KLHL1: variants seen among roughly 807,000 people sequenced by gnomAD.
KLHL1 encodes kelch-like protein 1.
In KLHL1, 47 loss-of-function variants were observed where a neutral mutation model predicts 77.7. That is an observed-to-expected ratio of 0.60 (90% CI 0.48 to 0.77). KLHL1 has a LOEUF of 0.77. Among genes scored for constraint, KLHL1 ranks in the 30% least tolerant of loss-of-function variants. The probability of loss-of-function intolerance (pLI) is 0.00; values close to 1 mark genes in which losing one functional copy is unlikely to be tolerated. For synonymous variants in KLHL1, 360 were observed against 325.2 expected (o/e 1.11, Z -1.15); for missense variants, 925 against 910.8 (o/e 1.02, Z -0.20).
intron 10 of KLHL1, among the ~76,000 whole-genome samples, chr13:69,707,029 CA>C (rs376116643): frequency 6.6e-6 from 1 of 151,948 alleles, no homozygotes; most frequent in African/African-American, 2.4e-5. Context: ...ACTTCCTGGA[CA>C]AAATGATTGA....
chr13:69,968,071 G>A (rs964347012), intron 2 of KLHL1, among the ~76,000 whole-genome samples: 4 of 151,644 alleles, frequency 2.6e-5, no homozygotes, highest in African/African-American at 7.3e-5. Flanking sequence ...TTGTTGCAAT[G>A]TATTTCACTA....
At chr13:70,024,642 C>CTTTCTCTCTCTT in intron 1 of KLHL1, among the ~76,000 whole-genome samples, 1 of 147,480 alleles carries the variant, frequency 6.8e-6, no homozygotes, top group East Asian at 2.0e-4. Flanking sequence ...CTCTCTCTCT[C>CTTTCTCTCTCTT]TCTCTCTCTC....
rs1875931648 is a variant in KLHL1 at position 69,778,177 on chromosome 13, G to C, written c.1639+18561C>G. On this transcript the variant is annotated intron_variant, in intron 7 of 10. Coordinates refer to ENST00000377844, the MANE Select transcript of KLHL1 (RefSeq NM_020866.3). ...AATTTGCAGATATTTGTTATTATCAGACTGAAAATTTAATCTAGACTTTTA... is the reference window on the plus strand; with the variant it reads ...AATTTGCAGATATTTGTTATTATCACACTGAAAATTTAATCTAGACTTTTA... 3.3e-5 allele frequency among the ~76,000 whole-genome samples: 5 copies of C among 152,084 alleles called. No individual in the cohort carries two copies. The South Asian group carries it at 1.0e-3, about 32-fold the overall frequency.
chr13:70,107,978 A>G lies in KLHL1; in HGVS notation c.-279T>C, dbSNP rs371676592. ...GGCAGGACTGGGACGCCAAAAGCTG[A>G]GAATCCTCGATGCCCGCGCGAGAGC... On this transcript the variant is annotated 5_prime_UTR_variant, in exon 1 of 11. Transcript: ENST00000377844. The G allele has an allele frequency of 1.7e-4, 75 of 443,614 alleles. 1 individual carries two copies. Among genetic ancestry groups the G allele is most frequent in the East Asian group, 1.4e-3 (43 of 30,174 alleles). The allele number at this position is 443,614 out of a possible 1,614,324, so 27.5% of individuals were successfully genotyped here. A position where few individuals can be genotyped will look rare whatever the true frequency, so the allele number is the denominator to read the frequency against.
At chr13:70,067,310 T>G (rs557505394) in intron 1 of KLHL1, among the ~76,000 whole-genome samples, 29 of 152,354 alleles carry the variant, frequency 1.9e-4, no homozygotes, top group African/African-American at 7.0e-4. Flanking sequence ...CATTTAATTT[T>G]CACAACACCC....
At chr13:70,024,052 T>G (rs996019353) in intron 1 of KLHL1, among the ~76,000 whole-genome samples, 1 of 151,880 alleles carries the variant, frequency 6.6e-6, no homozygotes, top group Non-Finnish European at 1.5e-5. Flanking sequence ...AAAAAATGTA[T>G]TAGGGTGTTT....
At chr13:69,820,861 T>C (rs1419726524) in intron 6 of KLHL1, among the ~76,000 whole-genome samples, 2 of 152,246 alleles carry the variant, frequency 1.3e-5, no homozygotes, top group African/African-American at 4.8e-5. Context: ...CGTTTGGCAC[T>C]AGACATTTCC....
chr13:69,961,327 A>T lies in KLHL1; in HGVS notation c.798T>A (p.Leu266=). ...CCATACCTGTATATGCAAATTGGAC[A>T]AGGTCCCAGAGAGCATTGGGGTCTA... ...EGIDPNALWD[L]VQFAYTGCLE... is the part of the protein sequence containing the mutation. Residue 266 remains leucine, a synonymous_variant, in exon 3 of 11, where the codon CTT becomes CTA. Transcript: ENST00000377844. The T allele has an allele frequency of 1.2e-6, 2 of 1,611,726 alleles. No individual in the cohort carries two copies. Among genetic ancestry groups the T allele is most frequent in the Non-Finnish European group, 1.7e-6 (2 of 1,178,444 alleles).
chr13:69,779,058 A>G (rs956195429), intron 7 of KLHL1, among the ~76,000 whole-genome samples: 29 of 152,034 alleles, frequency 1.9e-4, no homozygotes, highest in Non-Finnish European at 2.9e-5. Flanking sequence ...TCAGCCTCCC[A>G]AAGTGCTGGG....
chr13:69,839,841 G>A (rs965208437), intron 5 of KLHL1, among the ~76,000 whole-genome samples: 4 of 151,810 alleles, frequency 2.6e-5, no homozygotes, highest in Non-Finnish European at 5.9e-5. Flanking sequence ...AAATTATTTT[G>A]TGTACATTTA....
chr13:70,027,649 G>GTTTTTTT (rs1185282462), intron 1 of KLHL1, among the ~76,000 whole-genome samples: 38,546 of 108,578 alleles, frequency 0.36, 7,724 homozygotes, highest in South Asian at 0.48. Flanking sequence ...CAAAATGTAA[G>GTTTTTTT]TTGTTTTTTT....
At chr13:69,989,945 C>T (rs1010348264) in intron 1 of KLHL1, among the ~76,000 whole-genome samples, 1 of 151,856 alleles carries the variant, frequency 6.6e-6, no homozygotes, top group African/African-American at 2.4e-5. Flanking sequence ...TATTTGGATG[C>T]CTTTTATTTC....
At chr13:69,857,024 G>A (rs977359992) in intron 5 of KLHL1, among the ~76,000 whole-genome samples, 2 of 151,788 alleles carry the variant, frequency 1.3e-5, no homozygotes, top group Admixed American at 6.6e-5. Flanking sequence ...ACCTTTAATG[G>A]CTCCTCCAAT....
intron 1 of KLHL1, among the ~76,000 whole-genome samples, chr13:70,076,867 G>A (rs1021228002): frequency 6.6e-6 from 1 of 151,824 alleles, no homozygotes; most frequent in Non-Finnish European, 1.5e-5. Context: ...TATACACATA[G>A]GAAAATAGAT....
intron 7 of KLHL1, among the ~76,000 whole-genome samples, chr13:69,780,569 A>G (rs137951077): frequency 1.1e-4 from 17 of 148,102 alleles, no homozygotes; most frequent in Admixed American, 2.1e-4. Flanking sequence ...ATATACAAGG[A>G]TTGTATTATG....
chr13:69,746,650 T>C (rs1182081331), intron 7 of KLHL1, among the ~76,000 whole-genome samples: 3 of 151,968 alleles, frequency 2.0e-5, no homozygotes, highest in African/African-American at 7.2e-5. Flanking sequence ...GTTATTGTTC[T>C]ATGGGTAAAA....
chr13:69,870,439 G>T (rs1233726578), intron 5 of KLHL1, among the ~76,000 whole-genome samples: 1 of 151,606 alleles, frequency 6.6e-6, no homozygotes. Flanking sequence ...ATTTCAACAT[G>T]AGTTTTTGGG....
intron 1 of KLHL1, among the ~76,000 whole-genome samples, chr13:70,001,605 A>G (rs138523660): frequency 0.013 from 2,032 of 151,090 alleles, 53 homozygotes; most frequent in African/African-American, 0.047. Flanking sequence ...CTATCTATCT[A>G]TCTATCTATC....
chr13:70,093,556 G>A (rs1335748482), intron 1 of KLHL1, among the ~76,000 whole-genome samples: 3 of 151,950 alleles, frequency 2.0e-5, no homozygotes, highest in Non-Finnish European at 4.4e-5. Flanking sequence ...TTGATGTCTT[G>A]AAATATCTTC....
Sources: allele counts gnomAD v4.1 joint callset (sites outside exome capture counted in the v4.1 genomes callset), GRCh38; gene constraint gnomAD v4.1.1; transcripts MANE v1.5; gene names NCBI Gene and HGNC (gene_info 2026-07-23, HGNC 2026-07-21).